Variants in MAGI2 observed in about 807,000 individuals in gnomAD.
The protein encoded by MAGI2 is membrane-associated guanylate kinase, WW and PDZ domain-containing protein 2.
A neutral mutation model predicts 133.3 loss-of-function variants in MAGI2; 35 were observed. The ratio of observed to expected loss-of-function variants is 0.26; its 90% CI spans 0.20 to 0.35. The LOEUF (loss-of-function observed/expected upper bound fraction) is 0.35. Among genes scored for constraint, MAGI2 ranks in the 10% least tolerant of loss-of-function variants. The probability of loss-of-function intolerance (pLI) is 1.00; values close to 1 mark genes in which losing one functional copy is unlikely to be tolerated. For missense variants in MAGI2, 1,636 were observed against 1,863.4 expected, an observed-to-expected ratio of 0.88 and a Z score of 2.25; for synonymous variants, 729 against 710.6, an observed-to-expected ratio of 1.03 and a Z score of -0.41.
chr7:78,749,140 A>G (rs1162420715), intron 2 of MAGI2, among the ~76,000 whole-genome samples: 1 of 152,236 alleles, frequency 6.6e-6, no homozygotes, highest in African/African-American at 2.4e-5. Flanking sequence ...CAATGTTCAG[A>G]GAAGAAGAAA....
At chr7:79,180,588 A>T (rs1238352094) in intron 1 of MAGI2, among the ~76,000 whole-genome samples, 1 of 151,936 alleles carries the variant, frequency 6.6e-6, no homozygotes, top group East Asian at 1.9e-4. Flanking sequence ...TGGGAATTCA[A>T]GAGATTTGGG....
intron 6 of MAGI2, among the ~76,000 whole-genome samples, chr7:78,413,404 G>T (rs181963948): frequency 2.5e-4 from 38 of 152,150 alleles, no homozygotes; most frequent in Non-Finnish European, 4.1e-4. Flanking sequence ...ATGAGAAATG[G>T]CAATTAAATT....
intron 7 of MAGI2, among the ~76,000 whole-genome samples, chr7:78,360,730 C>T (rs1312724778): frequency 6.6e-6 from 1 of 152,206 alleles, no homozygotes; most frequent in Non-Finnish European, 1.5e-5. Context: ...GGAGGGACAG[C>T]ACTGCTCACG....
In MAGI2 at chr7:78,337,885, C is replaced by G. The variant is rs146290602; in HGVS notation, c.1408+5893G>C. ...TTTCTTCATTTATAAAAGCATCCATCCAATCACCATCCATCCATCCATCCA... is the reference window on the plus strand; with the variant it reads ...TTTCTTCATTTATAAAAGCATCCATGCAATCACCATCCATCCATCCATCCA... On this transcript the variant is annotated intron_variant, in intron 9 of 21. Transcript: ENST00000354212. 7.1e-3 allele frequency among the ~76,000 whole-genome samples: 985 copies of G among 138,062 alleles called. 17 individuals carry two copies. The highest frequency in any genetic ancestry group is 0.027 in the African/African-American group (954 of 35,108). 90.6% of individuals were successfully genotyped at this position (138,062 alleles called of 152,430 possible). A position where few individuals can be genotyped will look rare whatever the true frequency, so the allele number is the denominator to read the frequency against.
At chr7:78,398,410 T>C (rs760995205) in intron 6 of MAGI2, among the ~76,000 whole-genome samples, 2 of 152,080 alleles carry the variant, frequency 1.3e-5, no homozygotes, top group Non-Finnish European at 2.9e-5. Flanking sequence ...GAGTCTACCG[T>C]CTCTTATTGG....
intron 2 of MAGI2, among the ~76,000 whole-genome samples, chr7:78,867,518 A>G (rs1213032745): frequency 7.2e-6 from 1 of 139,374 alleles, no homozygotes; most frequent in Non-Finnish European, 1.5e-5. Flanking sequence ...AGGAAGGGGA[A>G]CATCACACTC....
intron 1 of MAGI2, among the ~76,000 whole-genome samples, chr7:79,378,304 CT>C (rs1843517711): frequency 6.6e-6 from 1 of 151,800 alleles, no homozygotes; most frequent in Admixed American, 6.6e-5. Flanking sequence ...GTTCCAGTCA[CT>C]TGTCTAACTG....
chr7:79,424,567 A>G (rs577584026), intron 1 of MAGI2, among the ~76,000 whole-genome samples: 1 of 152,288 alleles, frequency 6.6e-6, no homozygotes, highest in Non-Finnish European at 1.5e-5. Flanking sequence ...TGCTTTTGCC[A>G]CAAAAAAATG....
At chr7:78,473,594 C>T (rs1481194032) in intron 6 of MAGI2, among the ~76,000 whole-genome samples, 1 of 152,042 alleles carries the variant, frequency 6.6e-6, no homozygotes, top group East Asian at 1.9e-4. Context: ...TGCAAACATC[C>T]ATCTTCTAAA....
chr7:79,054,111 G>A (rs944102145), intron 1 of MAGI2, among the ~76,000 whole-genome samples: 1 of 152,176 alleles, frequency 6.6e-6, no homozygotes, highest in African/African-American at 2.4e-5. Flanking sequence ...AGGGAGAATC[G>A]CTTGAACCCG....
intron 2 of MAGI2, among the ~76,000 whole-genome samples, chr7:78,931,340 C>G (rs1021702264): frequency 7.9e-5 from 12 of 152,046 alleles, no homozygotes; most frequent in African/African-American, 2.4e-4. Context: ...TTTAGTTCCC[C>G]TCTTCCTCCT....
intron 6 of MAGI2, among the ~76,000 whole-genome samples, chr7:78,469,380 G>T (rs1469134109): frequency 1.3e-5 from 2 of 152,102 alleles, no homozygotes; most frequent in Non-Finnish European, 2.9e-5. Flanking sequence ...GATGAGACAA[G>T]GTCCTTGATG....
At chr7:78,510,939 C>T (rs35368121) in intron 4 of MAGI2, among the ~76,000 whole-genome samples, 19,916 of 152,208 alleles carry the variant, frequency 0.13, 1,426 homozygotes, top group Middle Eastern at 0.14. Context: ...TTATAACTGA[C>T]TCCTCCTCAC....
chr7:78,858,248 C>T (rs1267713551), intron 2 of MAGI2, among the ~76,000 whole-genome samples: 1 of 152,128 alleles, frequency 6.6e-6, no homozygotes, highest in Non-Finnish European at 1.5e-5. Context: ...GTGTCTCTAT[C>T]TCCTTCAGTT....
At chr7:78,769,173 T>C (rs1825325506) in intron 2 of MAGI2, among the ~76,000 whole-genome samples, 1 of 152,128 alleles carries the variant, frequency 6.6e-6, no homozygotes, top group African/African-American at 2.4e-5. Context: ...CCTTGCACAA[T>C]GGATCACAAT....
rs868499999 is a variant in MAGI2 at position 78,564,558 on chromosome 7, G to A, written c.539-42913C>T. 3.9e-5 allele frequency among the ~76,000 whole-genome samples: 6 copies of A among 152,008 alleles called. No individual in the cohort carries two copies. In the East Asian group the frequency reaches 5.8e-4, roughly 15 times the overall value. The stretch of plus-strand genomic sequence containing the variant: ...TTTTGATTATAATAAGGTTTTTAAC[G>A]TAAGGAGTTAGGAGCCATAGTCTTT... On this transcript the variant is annotated intron_variant, in intron 3 of 21. Coordinates refer to ENST00000354212, the MANE Select transcript of MAGI2 (RefSeq NM_012301.4).
intron 5 of MAGI2, among the ~76,000 whole-genome samples, chr7:78,498,592 A>AGG (rs1397195777): frequency 4.6e-5 from 7 of 152,198 alleles, no homozygotes; most frequent in Non-Finnish European, 1.0e-4. Flanking sequence ...GCAGAGAGAG[A>AGG]GGAAACTGCA....
chr7:78,916,527 A>T (rs1362509861), intron 2 of MAGI2, among the ~76,000 whole-genome samples: 1 of 152,174 alleles, frequency 6.6e-6, no homozygotes, highest in African/African-American at 2.4e-5. Context: ...TAAAGAATAC[A>T]AAGTAAATTC....
chr7:78,898,374 C>T (rs1799013), intron 2 of MAGI2, among the ~76,000 whole-genome samples: 57,991 of 151,924 alleles, frequency 0.38, 12,469 homozygotes, highest in South Asian at 0.58. Context: ...TGCATCACCA[C>T]TCACATTAGT....
Sources: allele counts gnomAD v4.1 joint callset (sites outside exome capture counted in the v4.1 genomes callset), GRCh38; gene constraint gnomAD v4.1.1; transcripts MANE v1.5; gene names NCBI Gene and HGNC (gene_info 2026-07-23, HGNC 2026-07-21).